The following RANBP2 variants were observed in gnomAD, a reference collection of about 807,000 sequenced individuals.
The protein encoded by RANBP2 is RAN binding protein 2.
Under a neutral mutation model 303.6 loss-of-function variants are expected in RANBP2, and 57 were observed. That is an observed-to-expected ratio of 0.19 (90% CI 0.15 to 0.23). RANBP2 has a LOEUF of 0.23. Among genes scored for constraint, RANBP2 ranks in the 10% least tolerant of loss-of-function variants. The pLI is 1.00. For synonymous variants in RANBP2, 1,167 were observed against 1,301.5 expected, an observed-to-expected ratio of 0.90 and a Z score of 2.23; for missense variants, 3,138 against 3,780.8, an observed-to-expected ratio of 0.83 and a Z score of 4.46.
the RANBP2 span, among the ~76,000 whole-genome samples, chr2:109,364,614 G>A: frequency 6.6e-6 from 1 of 152,226 alleles, no homozygotes; most frequent in African/African-American, 2.4e-5. Flanking sequence ...TGGGGGCCAT[G>A]CGGCCACAAA....
chr2:109,323,039 G>A, the RANBP2 span, among the ~76,000 whole-genome samples: 2,980 of 152,298 alleles, frequency 0.02, 54 homozygotes, highest in East Asian at 0.043. Flanking sequence ...AGGTGGTCTC[G>A]TTGAAATGTT....
chr2:109,578,430 T>C, the RANBP2 span, among the ~76,000 whole-genome samples: 2 of 152,170 alleles, frequency 1.3e-5, no homozygotes, highest in Admixed American at 1.3e-4. Context: ...AATAAAAGTG[T>C]CAATGCTTCA....
rs1296079589 is a variant in RANBP2 at position 108,782,254 on chromosome 2, C to T, written c.8887C>T (p.His2963Tyr). The change falls in exon 27 of 29, where the codon CAT becomes TAT. Residue 2963 changes from histidine (H) to tyrosine (Y), a missense_variant. Around this residue, in one of 20 missense-constraint regions of RANBP2, gnomAD observed 68 missense variants for 117.4 expected, o/e 0.58. Coordinates refer to ENST00000283195, the MANE Select transcript of RANBP2 (RefSeq NM_006267.5). ...RGVGDIKILW[H>Y]TMKNYYRILM... ...TGTTGGAGATATAAAGATTCTTTGG[C>T]ATACAATGAAGAATTATTACCGGAT... 1.2e-6 allele frequency: 2 copies of T among 1,614,104 alleles called. No individual in the cohort carries two copies. Among genetic ancestry groups the T allele is most frequent in the South Asian group, 1.1e-5 (1 of 91,086 alleles).
chr2:109,655,508 A>G, the RANBP2 span, among the ~76,000 whole-genome samples: 4,788 of 152,180 alleles, frequency 0.031, 91 homozygotes, highest in South Asian at 0.069. Context: ...AGGGGAGCAA[A>G]CTTGGAGGGG....
At chr2:108,869,523 T>A in the RANBP2 span, among the ~76,000 whole-genome samples, 11 of 152,026 alleles carry the variant, frequency 7.2e-5, no homozygotes, top group Admixed American at 5.2e-4. Flanking sequence ...AAGGCAGTGG[T>A]GGGCACCATA....
At chr2:109,729,987 G>T in the RANBP2 span, among the ~76,000 whole-genome samples, 1 of 152,188 alleles carries the variant, frequency 6.6e-6, no homozygotes, top group Non-Finnish European at 1.5e-5. Context: ...ATCAGATCTT[G>T]CCAGAACTCA....
At chr2:109,426,979 T>TA in the RANBP2 span, among the ~76,000 whole-genome samples, 383 of 34,424 alleles carry the variant, frequency 0.011, 1 homozygote, top group African/African-American at 0.05. Flanking sequence ...TATATATATA[T>TA]TTTTTTTTGA....
chr2:109,516,292 T>A, the RANBP2 span, among the ~76,000 whole-genome samples: 26 of 152,296 alleles, frequency 1.7e-4, no homozygotes, highest in African/African-American at 4.8e-4. Context: ...GGCAGCCCTC[T>A]CCCCTGGCGT....
At chr2:109,112,179 C>T in the RANBP2 span, among the ~76,000 whole-genome samples, 1 of 151,768 alleles carries the variant, frequency 6.6e-6, no homozygotes, top group African/African-American at 2.4e-5. Context: ...AATGGTATTT[C>T]TAGTTCTAGA....
rs747291589 is a variant in RANBP2 at position 108,765,245 on chromosome 2, C to T, written c.4706C>T (p.Pro1569Leu). ...ACAAGATGTGTTGCTTGTCAGAATC[C>T]GGATAAACCAAGTCCATCTACTTCT... is the stretch of plus-strand genomic sequence containing the variant. Reference protein sequence around the residue: ...NATRCVACQNPDKPSPSTSVP... With the variant: ...NATRCVACQNLDKPSPSTSVP... Residue 1569 changes from proline to leucine, a missense_variant, in exon 20 of 29, where the codon CCG becomes CTG. This residue lies in a region of RANBP2 where 388 missense variants were observed against 328.5 expected (regional missense o/e 1.18). Transcript: ENST00000283195. 49 of 1,613,842 alleles carry T rather than the reference C, an allele frequency of 3.0e-5. No homozygotes were observed. In the East Asian group the frequency reaches 3.1e-4, roughly 10 times the overall value.
the RANBP2 span, among the ~76,000 whole-genome samples, chr2:108,893,335 C>T: frequency 2.0e-5 from 3 of 152,180 alleles, no homozygotes; most frequent in African/African-American, 7.2e-5. Flanking sequence ...TAACAGTAGA[C>T]TTCAAGTAGA....
At chr2:108,876,754 G>A in the RANBP2 span, among the ~76,000 whole-genome samples, 3 of 151,854 alleles carry the variant, frequency 2.0e-5, no homozygotes, top group Non-Finnish European at 4.4e-5. Context: ...GATAGAAAAA[G>A]TTTTTTATTA....
chr2:109,730,283 TA>T, the RANBP2 span, among the ~76,000 whole-genome samples: 1 of 152,204 alleles, frequency 6.6e-6, no homozygotes, highest in Non-Finnish European at 1.5e-5. Flanking sequence ...ATGGTTTGAA[TA>T]AACCTCTTGC....
the RANBP2 span, among the ~76,000 whole-genome samples, chr2:108,905,465 C>T: frequency 6.7e-6 from 1 of 150,266 alleles, no homozygotes. Flanking sequence ...TTATTTCTGG[C>T]CAACAAAGCA....
At chr2:109,171,436 C>T in the RANBP2 span, among the ~76,000 whole-genome samples, 1 of 152,236 alleles carries the variant, frequency 6.6e-6, no homozygotes, top group Non-Finnish European at 1.5e-5. Flanking sequence ...AAATACTCTT[C>T]CTAACAAAAA....
the RANBP2 span, among the ~76,000 whole-genome samples, chr2:109,561,017 T>G: frequency 0.53 from 80,632 of 151,916 alleles, 22,766 homozygotes; most frequent in African/African-American, 0.73. Context: ...TTAGAGCAAA[T>G]AATAATTTTT....
the RANBP2 span, among the ~76,000 whole-genome samples, chr2:109,222,268 C>T: frequency 4.6e-5 from 7 of 152,094 alleles, no homozygotes; most frequent in African/African-American, 9.7e-5. Flanking sequence ...AATGAATTCT[C>T]GTGTTTGATA....
At chr2:109,734,863 TTTTTTA>T in the RANBP2 span, among the ~76,000 whole-genome samples, 1 of 152,064 alleles carries the variant, frequency 6.6e-6, no homozygotes, top group African/African-American at 2.4e-5. Context: ...TCTTTCTTTC[TTTTTTA>T]TTTTTAATTG....
chr2:108,873,367 C>A, the RANBP2 span: 1 of 1,171,788 alleles, frequency 8.5e-7, no homozygotes. Flanking sequence ...TTATAAATGC[C>A]TCACATAGTT....
Sources: allele counts gnomAD v4.1 joint callset (sites outside exome capture counted in the v4.1 genomes callset), GRCh38; gene constraint gnomAD v4.1.1; regional missense constraint gnomAD v4.1.1; transcripts MANE v1.5; gene names NCBI Gene and HGNC (gene_info 2026-07-23, HGNC 2026-07-21).